GOLGA8B: variants seen among roughly 807,000 people sequenced by gnomAD.
GOLGA8B encodes the protein golgin subfamily A member 8B.
In GOLGA8B, 1 loss-of-function variant was observed where a neutral mutation model predicts 15.6. That is an observed-to-expected ratio of 0.06 (90% confidence interval 0.02 to 0.30). The LOEUF (loss-of-function observed/expected upper bound fraction) is 0.30, where lower values mean the gene tolerates loss of function less well. GOLGA8B is among the 10% of genes least tolerant of loss of function. GOLGA8B has a pLI of 1.00. For synonymous variants in GOLGA8B, 9 were observed against 80.3 expected, an observed-to-expected ratio of 0.11 and a Z score of 4.75; for missense variants, 17 against 201.3, an observed-to-expected ratio of 0.08 and a Z score of 5.54.
At chr15:34,564,287 TTTC>T (rs1030690596) in intron 1 of GOLGA8B, among the ~76,000 whole-genome samples, 1 of 146,850 alleles carries the variant, frequency 6.8e-6, no homozygotes, top group Non-Finnish European at 1.5e-5. Flanking sequence ...GACTGCCATT[TTTC>T]TTCTTCTATG....
In GOLGA8B at chr15:34,570,670, G is replaced by T. The variant is rs561265877; in HGVS notation, c.-1123+12846C>A. ...GATTCTCCAATAAAAAAATACGAGA[G>T]GAAGAATGACAAACCATTTACATCA... On this transcript the variant is annotated intron_variant, in intron 1 of 23. Transcript: ENST00000683415. Among the ~76,000 whole-genome samples the T allele has an allele frequency of 8.0e-4, 102 of 127,220 alleles. 2 individuals carry two copies. The East Asian group carries it at 0.021, about 26-fold the overall frequency. The allele number at this position is 127,220 out of a possible 152,430, so 83.5% of individuals were successfully genotyped here. A position where few individuals can be genotyped will look rare whatever the true frequency, so the allele number is the denominator to read the frequency against.
chr15:34,562,738 C>T (rs202147913), intron 1 of GOLGA8B, among the ~76,000 whole-genome samples: 12,569 of 88,226 alleles, frequency 0.14, 424 homozygotes, highest in South Asian at 0.27. Context: ...AAAAGACTGA[C>T]TGGGAGGCTG....
chr15:34,583,010 G>A (rs192664619), intron 1 of GOLGA8B: 26 of 152,336 alleles, frequency 1.7e-4, no homozygotes, highest in African/African-American at 6.0e-4. Context: ...TTATTATACA[G>A]GAAAAGGGAA....
At position 34,527,450 on chromosome 15, in the gene GOLGA8B, G is replaced by A. The variant is rs920847097; in HGVS notation, c.*182C>T. 6 of 720,060 alleles carry A rather than the reference G, an allele frequency of 8.3e-6. No homozygotes were observed. The highest frequency in any genetic ancestry group is 2.2e-5 in the South Asian group (1 of 46,178). The allele number at this position is 720,060 out of a possible 1,614,324, so 44.6% of individuals were successfully genotyped here. Reference sequence around the variant, plus strand: ...GATGCCAGAGTGAACATCAGTGAGAGGCACAGAGACCCACTCTCTTTTAAC... The same window carrying A: ...GATGCCAGAGTGAACATCAGTGAGAAGCACAGAGACCCACTCTCTTTTAAC... On this transcript the variant is annotated 3_prime_UTR_variant, in exon 24 of 24. Coordinates refer to ENST00000683415, the MANE Select transcript of GOLGA8B (RefSeq NM_001023567.5).
chr15:34,583,308 G>A (rs1185658772), intron 1 of GOLGA8B, among the ~76,000 whole-genome samples: 2 of 152,070 alleles, frequency 1.3e-5, no homozygotes, highest in Non-Finnish European at 2.9e-5. Context: ...AGGATGGGCC[G>A]GTCCGAGAGG....
Position 34,580,297 on chromosome 15 carries a change from TGG to T in GOLGA8B, c.-1123+3217_-1123+3218del, listed in dbSNP as rs563740943. Among the ~76,000 whole-genome samples the T allele has an allele frequency of 6.3e-4, 95 of 151,620 alleles. 3 individuals carry two copies. In the South Asian group the frequency reaches 0.019, roughly 31 times the overall value. On this transcript the variant is annotated intron_variant, in intron 1 of 23. Coordinates refer to ENST00000683415, the MANE Select transcript of GOLGA8B (RefSeq NM_001023567.5). ...TGGAGGGACCATTCTTGGGAGCGAGTGGGAGAATTTGAGAAAAATCAGGCCGA... is the reference window on the plus strand; with the variant it reads ...TGGAGGGACCATTCTTGGGAGCGAGTGAGAATTTGAGAAAAATCAGGCCGA...
At chr15:34,581,062 G>C (rs1808502) in intron 1 of GOLGA8B, among the ~76,000 whole-genome samples, 55,471 of 152,054 alleles carry the variant, frequency 0.36, 10,554 homozygotes, top group Admixed American at 0.45. Flanking sequence ...CGAAGACATT[G>C]AAGCCACCCA....
intron 1 of GOLGA8B, among the ~76,000 whole-genome samples, chr15:34,577,950 C>T (rs1418809674): frequency 6.6e-6 from 1 of 152,182 alleles, no homozygotes; most frequent in African/African-American, 2.4e-5. Flanking sequence ...AACTTTACGA[C>T]AATGTCACTA....
intron 1 of GOLGA8B, among the ~76,000 whole-genome samples, chr15:34,579,042 T>C (rs1056434126): frequency 6.6e-6 from 1 of 152,012 alleles, no homozygotes; most frequent in African/African-American, 2.4e-5. Context: ...ATCAGTTCAA[T>C]ATCGCATCTC....
intron 1 of GOLGA8B, among the ~76,000 whole-genome samples, chr15:34,581,135 G>A (rs1385550130): frequency 6.6e-6 from 1 of 152,232 alleles, no homozygotes; most frequent in Non-Finnish European, 1.5e-5. Context: ...GGACAGTAAA[G>A]GTTTCTCCAA....
intron 1 of GOLGA8B, 131 bp downstream of exon 1, chr15:34,583,385 G>A (rs1225839248): frequency 1.3e-5 from 2 of 151,920 alleles, no homozygotes; most frequent in Non-Finnish European, 2.9e-5. Context: ...CCGAGTCCGG[G>A]GGGCAGCGCT....
At chr15:34,563,827 C>T (rs1358432792) in intron 1 of GOLGA8B, among the ~76,000 whole-genome samples, 2 of 144,108 alleles carry the variant, frequency 1.4e-5, no homozygotes, top group East Asian at 3.9e-4. Context: ...TTTGAATCAT[C>T]CTTGTATTCC....
intron 1 of GOLGA8B, among the ~76,000 whole-genome samples, chr15:34,581,914 CAA>C (rs1889247271): frequency 1.3e-5 from 2 of 152,166 alleles, no homozygotes; most frequent in African/African-American, 4.8e-5. Context: ...AAGGGCCCCC[CAA>C]CAGTACTGCT....
chr15:34,571,030 A>T (rs202166887), intron 1 of GOLGA8B, among the ~76,000 whole-genome samples: 668 of 132,710 alleles, frequency 5.0e-3, no homozygotes, highest in Middle Eastern at 0.035. Context: ...AGTTTATTCT[A>T]AAGTTTATCT....
chr15:34,563,404 A>T (rs1249544170), intron 1 of GOLGA8B, among the ~76,000 whole-genome samples: 86 of 147,594 alleles, frequency 5.8e-4, no homozygotes, highest in African/African-American at 2.1e-3. Flanking sequence ...GTCGGAGTCT[A>T]GTGCCTCTGC....
intron 1 of GOLGA8B, among the ~76,000 whole-genome samples, chr15:34,569,312 A>C (rs1888842607): frequency 6.7e-6 from 1 of 149,022 alleles, no homozygotes; most frequent in Non-Finnish European, 1.5e-5. Flanking sequence ...ACTAACAAAC[A>C]CCCAGGCCTT....
intron 1 of GOLGA8B, among the ~76,000 whole-genome samples, chr15:34,568,029 G>A (rs1288034136): frequency 1.3e-5 from 2 of 150,694 alleles, no homozygotes; most frequent in Non-Finnish European, 2.9e-5. Context: ...AGATAATGGA[G>A]ACCCACCAAT....
At position 34,568,950 on chromosome 15, in the gene GOLGA8B, C is replaced by G. The variant is rs1260431501; in HGVS notation, c.-1123+14566G>C. ...TCGCGCTCGTGCGCTTGTGCGCTCT[C>G]TCTCGCTCTCGCTCTCTCTCTCATG... is the stretch of plus-strand genomic sequence containing the variant. On this transcript the variant is annotated intron_variant, in intron 1 of 23. Transcript: ENST00000683415. 1.4e-5 allele frequency among the ~76,000 whole-genome samples: 2 copies of G among 147,982 alleles called. 1 individual carries two copies. The highest frequency in any genetic ancestry group is 5.3e-5 in the African/African-American group (2 of 37,778).
chr15:34,571,728 C>T (rs1888919800), intron 1 of GOLGA8B, among the ~76,000 whole-genome samples: 1 of 151,866 alleles, frequency 6.6e-6, no homozygotes, highest in Non-Finnish European at 1.5e-5. Flanking sequence ...GCAGAATATG[C>T]AGGAGGGTGG....
Sources: gnomAD v4.1 joint callset for allele counts (sites outside exome capture counted in the v4.1 genomes callset) on GRCh38, gnomAD v4.1.1 for gene constraint, MANE v1.5 for transcripts, NCBI Gene and HGNC (gene_info 2026-07-23, HGNC 2026-07-21) for gene names.